Variants in C11orf54 observed in about 807,000 individuals in gnomAD.
C11orf54 encodes beta-keto-L-gulonate decarboxylase, also known as beta-keto L-gulonate decarboxylase.
In C11orf54, 29 loss-of-function variants were observed where a neutral mutation model predicts 35.5. That is an observed-to-expected ratio of 0.82 (90% CI 0.61 to 1.11). The LOEUF is 1.11. C11orf54 is among the 50% of genes most tolerant of loss of function. The probability of loss-of-function intolerance (pLI) is 0.00; values close to 1 mark genes in which losing one functional copy is unlikely to be tolerated. For missense variants in C11orf54, 373 were observed against 369.2 expected (o/e 1.01, Z -0.08); for synonymous variants, 108 against 121.1 (o/e 0.89, Z 0.71).
chr11:93,758,838 G>A (rs1943305945), intron 7 of C11orf54, among the ~76,000 whole-genome samples: 1 of 152,270 alleles, frequency 6.6e-6, no homozygotes, highest in Non-Finnish European at 1.5e-5. Flanking sequence ...GCAGAAGGGG[G>A]CGGGTTTCCG....
At chr11:93,759,988 C>G (rs1943372816) in intron 8 of C11orf54, 130 bp downstream of exon 8, 3 of 590,906 alleles carry the variant, frequency 5.1e-6, no homozygotes, top group Non-Finnish European at 8.5e-6. Flanking sequence ...CTCTTGTTGC[C>G]CAGGCTAGAG....
chr11:93,742,118 C>T (rs1391799651), intron 1 of C11orf54: 1 of 154,004 alleles, frequency 6.5e-6, no homozygotes, highest in African/African-American at 2.4e-5. Context: ...TTCTGCCTCC[C>T]AGGAGTTGGC....
At chr11:93,759,051 A>T (rs962462363) in intron 7 of C11orf54, among the ~76,000 whole-genome samples, 1 of 152,196 alleles carries the variant, frequency 6.6e-6, no homozygotes, top group African/African-American at 2.4e-5. Context: ...ATGCTTTTAC[A>T]CTGTTGGTGG....
chr11:93,742,393 C>G (rs1365777451), intron 1 of C11orf54, among the ~76,000 whole-genome samples: 1 of 151,908 alleles, frequency 6.6e-6, no homozygotes. Flanking sequence ...AAGCGATTCT[C>G]CTGCCTCAGT....
rs1943569686 is a variant in C11orf54, at chr11:93,764,047, C to G, written c.*2359C>G. 6.6e-6 allele frequency: 1 copy of G among 152,166 alleles called. No individual in the cohort carries two copies. The highest frequency in any genetic ancestry group is 1.5e-5 in the Non-Finnish European group (1 of 68,094). The allele number at this position is 152,166 out of a possible 1,614,324, so 9.4% of individuals were successfully genotyped here. On this transcript the variant is annotated 3_prime_UTR_variant, in exon 9 of 9. Coordinates refer to ENST00000354421, the MANE Select transcript of C11orf54 (RefSeq NM_001286069.2). Reference sequence around the variant, plus strand: ...CTCACTATGTTGCCCAGGCTGGGCTCAAGTCATCTTCCTGCCTCGGCCTCC... The same window carrying G: ...CTCACTATGTTGCCCAGGCTGGGCTGAAGTCATCTTCCTGCCTCGGCCTCC...
rs1943550676 is a variant in C11orf54 at position 93,763,262 on chromosome 11, T to C, written c.*1574T>C. The C allele has an allele frequency of 1.3e-5, 2 of 152,218 alleles. No homozygotes were observed. The highest frequency in any genetic ancestry group is 4.1e-4 in the South Asian group (2 of 4,834). The allele number at this position is 152,218 out of a possible 1,614,324, so 9.4% of individuals were successfully genotyped here. A position where few individuals can be genotyped will look rare whatever the true frequency, so the allele number is the denominator to read the frequency against. ...AGCAAAGTAGCCACTCGGATGATTA[T>C]ACCAAACACTTTACTAAAGCTGGGG... On this transcript the variant is annotated 3_prime_UTR_variant, in exon 9 of 9. Coordinates refer to ENST00000354421, the MANE Select transcript of C11orf54 (RefSeq NM_001286069.2).
At chr11:93,746,375 G>A (rs1406275799) in intron 1 of C11orf54, 1 of 152,184 alleles carries the variant, frequency 6.6e-6, no homozygotes, top group Non-Finnish European at 1.5e-5. Context: ...GTTCCCTGTT[G>A]TGATTGGCTT....
intron 2 of C11orf54, among the ~76,000 whole-genome samples, chr11:93,749,032 T>C (rs1942648417): frequency 6.7e-6 from 1 of 150,224 alleles, no homozygotes; most frequent in African/African-American, 2.5e-5. Flanking sequence ...TAACCCCAGC[T>C]ACTCGGGAGG....
In C11orf54 at chr11:93,763,933, T is replaced by A; in HGVS notation, c.*2245T>A. The A allele has an allele frequency of 6.6e-6, 1 of 152,222 alleles. No homozygotes were observed. The highest frequency in any genetic ancestry group is 1.9e-4 in the East Asian group (1 of 5,194). 9.4% of individuals were successfully genotyped at this position (152,222 alleles called of 1,614,324 possible). ...TGGTTAGGGAGTAGGGCCAGAGTGA[T>A]GTTTCTTGCATGTGGTTTGAATTTC... On this transcript the variant is annotated 3_prime_UTR_variant, in exon 9 of 9. Transcript: ENST00000354421.
intron 3 of C11orf54, among the ~76,000 whole-genome samples, chr11:93,752,200 T>C (rs896040964): frequency 6.6e-6 from 1 of 152,128 alleles, no homozygotes; most frequent in Non-Finnish European, 1.5e-5. Flanking sequence ...AGAAGTGTTT[T>C]CTGGTCAGTA....
intron 3 of C11orf54, among the ~76,000 whole-genome samples, chr11:93,751,820 C>CTTTTTTTTTTTTTTTTTTTTTTTTTT (rs35146074): frequency 1.2e-5 from 1 of 80,228 alleles, no homozygotes; most frequent in Non-Finnish European, 2.4e-5. Flanking sequence ...AATGGTTAAT[C>CTTTTTTTTTTTTTTTTTTTTTTTTTT]TTTTTTTTTT....
chr11:93,742,924 G>A (rs915513258), intron 1 of C11orf54: 2 of 152,118 alleles, frequency 1.3e-5, no homozygotes, highest in African/African-American at 4.8e-5. Flanking sequence ...GGGGAAAAGT[G>A]CTATTAAAGG....
rs969133480 is a variant in C11orf54, at chr11:93,764,478, T to C, written c.*2790T>C. The C allele has an allele frequency of 1.4e-4, 21 of 152,218 alleles. No homozygotes were observed. Among genetic ancestry groups the C allele is most frequent in the African/African-American group, 4.8e-4 (20 of 41,450 alleles). 9.4% of individuals were successfully genotyped at this position (152,218 alleles called of 1,614,324 possible). On this transcript the variant is annotated 3_prime_UTR_variant, in exon 9 of 9. Coordinates refer to ENST00000354421, the MANE Select transcript of C11orf54 (RefSeq NM_001286069.2). ...AAGTTTCTGTGGTTTTGTGTACATT[T>C]CTTACGTTAGGGATTTCAGTTCAAA...
At chr11:93,757,236 A>G (rs1422589021) in intron 6 of C11orf54, 80 bp from the exon 7 acceptor site, 1 of 1,428,424 alleles carries the variant, frequency 7.0e-7, no homozygotes, top group South Asian at 1.3e-5. Context: ...TTTGCTTGAT[A>G]GAATTAAATT....
chr11:93,759,758 C>A lies in C11orf54; in HGVS notation c.674C>A (p.Ser225Tyr). 6.3e-7 allele frequency: 1 copy of A among 1,599,570 alleles called. No individual in the cohort carries two copies. Among genetic ancestry groups the A allele is most frequent in the African/African-American group, 1.3e-5 (1 of 74,846 alleles). ...TTGTTGTAGCCTGCAGAATTTTCTT[C>A]CTGCCCCTTGAACTCTGATGAAGAA... is the stretch of plus-strand genomic sequence containing the variant. ...KSHIMPAEFS[S>Y]CPLNSDEEVN... Residue 225 changes from serine (S) to tyrosine (Y), a missense_variant, in exon 8 of 9, where the codon TCC becomes TAC. By Grantham distance (144) the Ser-to-Tyr change is moderately radical. Transcript: ENST00000354421.
Position 93,761,694 on chromosome 11 carries a change from C to A in C11orf54, c.*6C>A. On this transcript the variant is annotated 3_prime_UTR_variant, in exon 9 of 9. Coordinates refer to ENST00000354421, the MANE Select transcript of C11orf54 (RefSeq NM_001286069.2). ...ATTCAATTGGGCGAGATTAAATCAG[C>A]TGATACTTATTTAGAAAAAGAAATA... 1 of 1,555,650 alleles carries A rather than the reference C, an allele frequency of 6.4e-7. No individual in the cohort carries two copies.
At position 93,761,851 on chromosome 11, in the gene C11orf54, C is replaced by A; in HGVS notation, c.*163C>A. The A allele has an allele frequency of 3.4e-6, 2 of 586,252 alleles. No homozygotes were observed. The highest frequency in any genetic ancestry group is 5.2e-6 in the Non-Finnish European group (2 of 385,742). 36.3% of individuals were successfully genotyped at this position (586,252 alleles called of 1,614,324 possible). ...TTGGGAGGCTGAGGCAGGAAGCACA[C>A]TGGAGCCCAGGAGTTTGAGACCAGC... is the stretch of plus-strand genomic sequence containing the variant. On this transcript the variant is annotated 3_prime_UTR_variant, in exon 9 of 9. Coordinates refer to ENST00000354421, the MANE Select transcript of C11orf54 (RefSeq NM_001286069.2).
intron 2 of C11orf54, among the ~76,000 whole-genome samples, chr11:93,749,098 T>A (rs1279550623): frequency 1.4e-5 from 2 of 147,238 alleles, no homozygotes; most frequent in African/African-American, 2.5e-5. Flanking sequence ...AAGCCGAGAT[T>A]GCGCCATTGT....
chr11:93,748,047 C>A (rs1282315534), intron 2 of C11orf54, among the ~76,000 whole-genome samples: 1 of 152,214 alleles, frequency 6.6e-6, no homozygotes, highest in Non-Finnish European at 1.5e-5. Flanking sequence ...CTTTATTTAA[C>A]AACCTCTAGG....
Sources: gnomAD v4.1 joint callset for allele counts (sites outside exome capture counted in the v4.1 genomes callset) on GRCh38, gnomAD v4.1.1 for gene constraint, MANE v1.5 for transcripts, NCBI Gene and HGNC (gene_info 2026-07-23, HGNC 2026-07-21) for gene names.